Variants in CRACR2A observed in about 807,000 individuals in gnomAD.
The protein encoded by CRACR2A is EF-hand calcium-binding domain-containing protein 4B.
In CRACR2A, 79 loss-of-function variants were observed where a neutral mutation model predicts 90.5. That is an observed-to-expected ratio of 0.87 (90% CI 0.73 to 1.05). The LOEUF is 1.05. Ranked by LOEUF, CRACR2A falls within the 50% of genes least tolerant of loss-of-function variation. CRACR2A has a pLI of 0.00. For synonymous variants in CRACR2A, 338 were observed against 356.7 expected (o/e 0.95, Z 0.59); for missense variants, 823 against 897.2 (o/e 0.92, Z 1.06).
rs1335913964 is a variant in CRACR2A, at chr12:3,666,368, C to T, written c.672-6714G>A. ...GTGTGTGTGTGTGCGTGCGTGTGCG[C>T]GTGCGCGCGCACGCGCGCACACGCT... On this transcript the variant is annotated intron_variant, in intron 7 of 19. Coordinates refer to ENST00000440314, the MANE Select transcript of CRACR2A (RefSeq NM_001144958.2). Among the ~76,000 whole-genome samples, 164 of 120,622 alleles carry T rather than the reference C, an allele frequency of 1.4e-3. No individual in the cohort carries two copies. The Middle Eastern group carries it at 0.017, about 12-fold the overall frequency. 79.1% of individuals were successfully genotyped at this position (120,622 alleles called of 152,430 possible). A position where few individuals can be genotyped will look rare whatever the true frequency, so the allele number is the denominator to read the frequency against.
chr12:3,750,626 C>T (rs1268302603), intron 1 of CRACR2A, among the ~76,000 whole-genome samples: 1 of 152,172 alleles, frequency 6.6e-6, no homozygotes, highest in Non-Finnish European at 1.5e-5. Context: ...GTGCCTGAGT[C>T]CTCTGTGCAT....
chr12:3,752,144 T>C (rs1181078705), intron 1 of CRACR2A, among the ~76,000 whole-genome samples: 1 of 152,198 alleles, frequency 6.6e-6, no homozygotes, highest in Non-Finnish European at 1.5e-5. Flanking sequence ...GATTGGCTCT[T>C]TCTGTCCTCT....
intron 10 of CRACR2A, 65 bp downstream of exon 10, chr12:3,654,147 G>C (rs1395568138): frequency 6.4e-7 from 1 of 1,565,146 alleles, no homozygotes; most frequent in Non-Finnish European, 8.6e-7. Context: ...AGCGGCGAGG[G>C]GACATGCCCA....
intron 1 of CRACR2A, among the ~76,000 whole-genome samples, chr12:3,740,496 C>T (rs1183847148): frequency 1.3e-5 from 2 of 152,136 alleles, no homozygotes; most frequent in Non-Finnish European, 2.9e-5. Context: ...CTTAACCCCT[C>T]TTATTTTATT....
At chr12:3,734,634 T>TGC (rs1231646956) in intron 1 of CRACR2A, among the ~76,000 whole-genome samples, 3 of 150,986 alleles carry the variant, frequency 2.0e-5, no homozygotes, top group Admixed American at 2.0e-4. Flanking sequence ...TGTGTATGTG[T>TGC]GTGTGTGTGT....
chr12:3,638,294 G>A lies in CRACR2A; in HGVS notation c.1432C>T (p.Pro478Ser), dbSNP rs748166329. Residue 478 changes from proline to serine, a missense_variant, in exon 14 of 20, where the codon CCC becomes TCC. Transcript: ENST00000440314. Reference sequence around the variant, plus strand: ...CCACCATCCAGGAGCTGGGGCAGGGGGTCTTCTTCAACGGAGATGATTCTG... The same window carrying A: ...CCACCATCCAGGAGCTGGGGCAGGGAGTCTTCTTCAACGGAGATGATTCTG... Reference protein sequence around the residue: ...LRRIISVEEDPLPQLLDGGFE... With the variant: ...LRRIISVEEDSLPQLLDGGFE... 1.9e-6 allele frequency: 3 copies of A among 1,551,624 alleles called. No homozygotes were observed. Among genetic ancestry groups the A allele is most frequent in the African/African-American group, 1.4e-5 (1 of 73,132 alleles).
Position 3,619,306 on chromosome 12 carries a change from C to G in CRACR2A, c.1999G>C (p.Glu667Gln). 6.4e-7 allele frequency: 1 copy of G among 1,551,704 alleles called. No individual in the cohort carries two copies. ...TGCTCTCCGAGGCCCCGGGGGACTT[C>G]CCGCTCCTTCTCGTTGTCAAGCTTA... ...GNKLDNEKER[E>Q]VPRGLGEQLA... Residue 667 changes from glutamate to glutamine, a missense_variant, in exon 18 of 20, where the codon GAA (glutamate) becomes CAA (glutamine). Coordinates refer to ENST00000440314, the MANE Select transcript of CRACR2A (RefSeq NM_001144958.2).
At chr12:3,622,203 A>G (rs1038063563) in intron 17 of CRACR2A, among the ~76,000 whole-genome samples, 2 of 152,220 alleles carry the variant, frequency 1.3e-5, no homozygotes, top group Non-Finnish European at 2.9e-5. Context: ...TCTCAGGTCT[A>G]CTCAAACTCT....
chr12:3,695,666 A>C (rs980798374), intron 4 of CRACR2A, among the ~76,000 whole-genome samples: 2 of 152,192 alleles, frequency 1.3e-5, no homozygotes, highest in African/African-American at 4.8e-5. Flanking sequence ...ATATTCTGAA[A>C]AACTAGACTT....
chr12:3,615,742 T>C (rs529159238), intron 19 of CRACR2A, among the ~76,000 whole-genome samples: 175 of 152,340 alleles, frequency 1.1e-3, no homozygotes, highest in African/African-American at 4.1e-3. Context: ...TCCTCTGTCA[T>C]GACCCCATCA....
chr12:3,682,370 G>A (rs781093998), intron 4 of CRACR2A, among the ~76,000 whole-genome samples: 6 of 152,202 alleles, frequency 3.9e-5, no homozygotes, highest in Non-Finnish European at 8.8e-5. Flanking sequence ...AACCAGGAGA[G>A]GCTAGTTCAC....
chr12:3,661,555 G>T (rs1024153044), intron 7 of CRACR2A, among the ~76,000 whole-genome samples: 2 of 152,180 alleles, frequency 1.3e-5, no homozygotes, highest in South Asian at 2.1e-4. Flanking sequence ...TGTTACTTTT[G>T]CTCTGAGCTA....
intron 2 of CRACR2A, chr12:3,726,121 T>C (rs1041447501): frequency 6.6e-6 from 1 of 151,982 alleles, no homozygotes; most frequent in Non-Finnish European, 1.5e-5. Context: ...CCCAAACGCA[T>C]AAAGTAGCCC....
intron 4 of CRACR2A, among the ~76,000 whole-genome samples, chr12:3,694,472 CT>C (rs1308128951): frequency 6.6e-6 from 1 of 152,150 alleles, no homozygotes; most frequent in Non-Finnish European, 1.5e-5. Context: ...TGCTGGGAGC[CT>C]AAAGTAAAAA....
chr12:3,653,271 G>A (rs372536150), intron 10 of CRACR2A, among the ~76,000 whole-genome samples: 9 of 152,278 alleles, frequency 5.9e-5, no homozygotes, highest in Admixed American at 2.6e-4. Context: ...GTGAGCCACC[G>A]CGCCTGGCCC....
At chr12:3,725,709 G>A (rs1946252301) in intron 2 of CRACR2A, among the ~76,000 whole-genome samples, 1 of 152,182 alleles carries the variant, frequency 6.6e-6, no homozygotes, top group Admixed American at 6.5e-5. Context: ...CCAGATGCGT[G>A]GGCCTCACTC....
intron 13 of CRACR2A, chr12:3,640,266 A>G (rs1944541049): frequency 6.0e-6 from 1 of 167,676 alleles, no homozygotes. Context: ...TGCTTACTTG[A>G]TTATTGTCTG....
At chr12:3,734,827 G>A (rs1449951237) in intron 1 of CRACR2A, among the ~76,000 whole-genome samples, 4 of 152,152 alleles carry the variant, frequency 2.6e-5, no homozygotes, top group Non-Finnish European at 5.9e-5. Context: ...TGAACTCAGA[G>A]AAACAGAGGG....
chr12:3,737,625 G>A (rs1591722609), intron 1 of CRACR2A, among the ~76,000 whole-genome samples: 1 of 152,108 alleles, frequency 6.6e-6, no homozygotes, highest in Non-Finnish European at 1.5e-5. Context: ...GCAGAAGTAG[G>A]TGCAGGTAAA....
Sources: gnomAD v4.1 joint callset for allele counts (sites outside exome capture counted in the v4.1 genomes callset) on GRCh38, gnomAD v4.1.1 for gene constraint, MANE v1.5 for transcripts, NCBI Gene and HGNC (gene_info 2026-07-23, HGNC 2026-07-21) for gene names.